ZNF529: variants seen among roughly 807,000 people sequenced by gnomAD.
ZNF529 encodes zinc finger protein 529.
In ZNF529, 11 loss-of-function variants were observed where a neutral mutation model predicts 10.1. That is an observed-to-expected ratio of 1.09 (90% confidence interval 0.69 to 1.81). The LOEUF is 1.81. Among genes scored for constraint, ZNF529 ranks in the 40% most tolerant of loss-of-function variants. The probability of loss-of-function intolerance (pLI) is 0.00; values close to 1 mark genes in which losing one functional copy is unlikely to be tolerated. For synonymous variants in ZNF529, 204 were observed against 215.7 expected (o/e 0.95, Z 0.47); for missense variants, 624 against 666.8 (o/e 0.94, Z 0.71).
At position 36,548,084 on chromosome 19, in the gene ZNF529, AAG is replaced by A; in HGVS notation, c.472_473del (p.Leu158TyrfsTer8). The A allele has an allele frequency of 6.2e-7, 1 of 1,613,924 alleles. No individual in the cohort carries two copies. The highest frequency in any genetic ancestry group is 1.1e-5 in the South Asian group (1 of 91,082). The part of the protein sequence containing the change: ...NVPSYKTHES[L>X]TLPRRTHDSE... ...TGTCATGAGTTCTCCGAGGTAAAGT[AAG>A]AGATTCATGAGTTTTGTAACTGGGC... is the stretch of plus-strand genomic sequence containing the variant. On this transcript the variant is annotated frameshift_variant, in exon 5 of 5. Transcript: ENST00000591340. LOFTEE classifies it low-confidence loss of function (END_TRUNC).
rs146238478 is a variant in ZNF529 at position 36,598,253 on chromosome 19, T to A, written c.-128+6873A>T. Among the ~76,000 whole-genome samples the A allele has an allele frequency of 2.8e-3, 430 of 152,316 alleles. 4 individuals are homozygous for A. Among genetic ancestry groups the A allele is most frequent in the African/African-American group, 9.2e-3 (384 of 41,576 alleles). On this transcript the variant is annotated intron_variant, in intron 1 of 4. Coordinates refer to the ZNF529 transcript ENST00000585960. ...GGCTGGGTGCAGTGGCTCATGCCTG[T>A]AATCCCAGCGCTTTGGGAGGCTGAG...
chr19:36,586,067 A>G (rs1390055103), intron 2 of ZNF529, among the ~76,000 whole-genome samples: 1 of 152,220 alleles, frequency 6.6e-6, no homozygotes, highest in East Asian at 1.9e-4. Flanking sequence ...ACGAAATCCC[A>G]TCCTGACTAT....
intron 2 of ZNF529, among the ~76,000 whole-genome samples, chr19:36,557,476 G>A (rs1357871196): frequency 6.6e-6 from 1 of 152,108 alleles, no homozygotes; most frequent in Non-Finnish European, 1.5e-5. Flanking sequence ...AATGAGAGCC[G>A]AGCTAAGGGG....
At position 36,547,741 on chromosome 19, in the gene ZNF529, G is replaced by T. The variant is rs765956981; in HGVS notation, c.817C>A (p.Gln273Lys). ...TGTTTCTCACCATCATGAACTCTTT[G>T]AAGTGGAGTAACTTTTCCAACTCTT... is the stretch of plus-strand genomic sequence containing the variant. ...FERVGKVTPL[Q>K]RVHDGEKHFE... is the part of the protein sequence containing the mutation. The change falls in exon 5 of 5, where the codon CAA becomes AAA. Residue 273 changes from glutamine (Q) to lysine (K), a missense_variant. Coordinates refer to ENST00000591340, the MANE Select transcript of ZNF529 (RefSeq NM_020951.5). 1 of 1,613,664 alleles carries T rather than the reference G, an allele frequency of 6.2e-7. No individual in the cohort carries two copies. The highest frequency in any genetic ancestry group is 1.1e-5 in the South Asian group (1 of 90,998).
intron 1 of ZNF529, among the ~76,000 whole-genome samples, chr19:36,599,316 CT>C (rs2145293503): frequency 6.6e-6 from 1 of 152,242 alleles, no homozygotes; most frequent in African/African-American, 2.4e-5. Flanking sequence ...ACCTGTTCTC[CT>C]GGTAATTATG....
At chr19:36,587,887 G>T (rs1271476577) in intron 2 of ZNF529, among the ~76,000 whole-genome samples, 1 of 152,150 alleles carries the variant, frequency 6.6e-6, no homozygotes, top group Non-Finnish European at 1.5e-5. Context: ...AGGGGAGCTG[G>T]ATTTCTTTCG....
chr19:36,596,472 T>C (rs2036843420), intron 1 of ZNF529, among the ~76,000 whole-genome samples: 1 of 152,100 alleles, frequency 6.6e-6, no homozygotes, highest in African/African-American at 2.4e-5. Context: ...ACATCAGCTT[T>C]TGTTGGTGTT....
At chr19:36,559,889 C>T (rs2035616732) in intron 2 of ZNF529, among the ~76,000 whole-genome samples, 1 of 152,012 alleles carries the variant, frequency 6.6e-6, no homozygotes, top group Middle Eastern at 3.2e-3. Context: ...GCTGACTGAC[C>T]TTAAAAAGTA....
At position 36,543,637 on chromosome 19, in the gene ZNF529, A is replaced by G. The variant is rs1158456743; in HGVS notation, c.*3229T>C. 1 of 152,012 alleles carries G rather than the reference A, an allele frequency of 6.6e-6. No homozygotes were observed. The highest frequency in any genetic ancestry group is 1.5e-5 in the Non-Finnish European group (1 of 68,002). 9.4% of individuals were successfully genotyped at this position (152,012 alleles called of 1,614,324 possible). ...CTGTGAGGCTTAAATACAGATATTT[A>G]TTTTCTCACTGTTCTAATTAAAATA... On this transcript the variant is annotated 3_prime_UTR_variant, in exon 5 of 5. Coordinates refer to ENST00000591340, the MANE Select transcript of ZNF529 (RefSeq NM_020951.5).
intron 2 of ZNF529, among the ~76,000 whole-genome samples, chr19:36,560,806 AAGC>A (rs1179735212): frequency 6.6e-6 from 1 of 152,224 alleles, no homozygotes; most frequent in Non-Finnish European, 1.5e-5. Context: ...ATAAATCTCT[AAGC>A]AGCAAAGTGT....
chr19:36,602,925 C>T (rs566432510), intron 1 of ZNF529, among the ~76,000 whole-genome samples: 12 of 114,166 alleles, frequency 1.1e-4, no homozygotes, highest in African/African-American at 3.4e-4. Context: ...AGTGAAACTC[C>T]GTCTCAAAAG....
intron 2 of ZNF529, among the ~76,000 whole-genome samples, chr19:36,569,000 C>T (rs2035998435): frequency 6.6e-6 from 1 of 152,178 alleles, no homozygotes; most frequent in African/African-American, 2.4e-5. Context: ...AATATAACAT[C>T]TAGGGCCTAA....
At chr19:36,586,976 C>T (rs928010900) in intron 2 of ZNF529, among the ~76,000 whole-genome samples, 6 of 152,102 alleles carry the variant, frequency 3.9e-5, no homozygotes, top group African/African-American at 4.8e-5. Context: ...AATAAAATCC[C>T]ATGAGTGGCT....
chr19:36,561,016 G>C (rs2035671156), intron 2 of ZNF529, among the ~76,000 whole-genome samples: 1 of 152,186 alleles, frequency 6.6e-6, no homozygotes, highest in Non-Finnish European at 1.5e-5. Context: ...TGGCTAGAAA[G>C]AAGCCAGGTG....
chr19:36,550,141 T>C (rs561277715), intron 4 of ZNF529, among the ~76,000 whole-genome samples: 3 of 152,192 alleles, frequency 2.0e-5, no homozygotes, highest in Non-Finnish European at 4.4e-5. Context: ...GACTTAATTA[T>C]GTATAAGATG....
chr19:36,564,843 C>T (rs184147534), intron 2 of ZNF529, among the ~76,000 whole-genome samples: 1 of 152,272 alleles, frequency 6.6e-6, no homozygotes, highest in East Asian at 1.9e-4. Context: ...CAGAATCAAC[C>T]TAGGTGCCCC....
intron 1 of ZNF529, among the ~76,000 whole-genome samples, chr19:36,604,357 A>T (rs1322349853): frequency 6.6e-6 from 1 of 152,156 alleles, no homozygotes; most frequent in Non-Finnish European, 1.5e-5. Context: ...GTGCTTTTTC[A>T]GTTGGAAACT....
At chr19:36,561,383 CTTTTT>C (rs78597357) in intron 2 of ZNF529, among the ~76,000 whole-genome samples, 1 of 137,318 alleles carries the variant, frequency 7.3e-6, no homozygotes, top group Admixed American at 7.3e-5. Flanking sequence ...AAAGAGATTT[CTTTTT>C]TTTTTTTTTT....
chr19:36,587,615 G>A lies in ZNF529; in HGVS notation c.-41+2000C>T, dbSNP rs73931627. ...AAAAATGGAAACAACCTAAACATCC[G>A]TCAGCTGATGAATGGGTAAGCAAGA... On this transcript the variant is annotated intron_variant, in intron 2 of 4. Transcript: ENST00000585960. 2.3e-3 allele frequency among the ~76,000 whole-genome samples: 348 copies of A among 152,260 alleles called. 1 individual carries two copies. The highest frequency in any genetic ancestry group is 7.9e-3 in the African/African-American group (327 of 41,540).
Sources: allele counts gnomAD v4.1 joint callset (sites outside exome capture counted in the v4.1 genomes callset), GRCh38; gene constraint gnomAD v4.1.1; transcripts MANE v1.5; gene names NCBI Gene and HGNC (gene_info 2026-07-23, HGNC 2026-07-21).